SPAG16: variants seen among roughly 807,000 people sequenced by gnomAD.
SPAG16 encodes the protein sperm-associated antigen 16 protein.
Under a neutral mutation model 80.4 loss-of-function variants are expected in SPAG16, and 86 were observed. The ratio of observed to expected loss-of-function variants is 1.07; its 90% CI spans 0.90 to 1.28. The LOEUF (loss-of-function observed/expected upper bound fraction) is 1.28. Among genes scored for constraint, SPAG16 ranks in the 50% most tolerant of loss-of-function variants. The pLI is 0.00. For synonymous variants in SPAG16, 294 were observed against 265.9 expected, an observed-to-expected ratio of 1.11 and a Z score of -1.03; for missense variants, 870 against 765.3, an observed-to-expected ratio of 1.14 and a Z score of -1.61.
intron 15 of SPAG16, among the ~76,000 whole-genome samples, chr2:214,323,751 A>G (rs1696275014): frequency 6.6e-6 from 1 of 152,244 alleles, no homozygotes; most frequent in African/African-American, 2.4e-5. Context: ...CACTGATGGC[A>G]AATTATTGTT....
chr2:213,374,366 T>C (rs538417338), intron 8 of SPAG16, among the ~76,000 whole-genome samples: 61 of 152,120 alleles, frequency 4.0e-4, no homozygotes, highest in Non-Finnish European at 7.8e-4. Flanking sequence ...GATTATAACC[T>C]TAGTTTTTTG....
At chr2:213,431,836 A>G (rs2070320673) in intron 9 of SPAG16, among the ~76,000 whole-genome samples, 1 of 152,070 alleles carries the variant, frequency 6.6e-6, no homozygotes, top group African/African-American at 2.4e-5. Context: ...TCCAAGATAG[A>G]CCATATGTTA....
intron 15 of SPAG16, among the ~76,000 whole-genome samples, chr2:214,330,744 T>G (rs1176750906): frequency 6.6e-6 from 1 of 152,218 alleles, no homozygotes; most frequent in African/African-American, 2.4e-5. Context: ...GGGCTATTCC[T>G]GACGATAGAC....
intron 10 of SPAG16, among the ~76,000 whole-genome samples, chr2:213,579,143 T>C (rs2124837770): frequency 6.6e-6 from 1 of 152,294 alleles, no homozygotes; most frequent in East Asian, 1.9e-4. Context: ...TCCCTGTAGA[T>C]CATTTTCATT....
At chr2:213,909,021 G>A (rs904650559) in intron 11 of SPAG16, among the ~76,000 whole-genome samples, 28 of 151,462 alleles carry the variant, frequency 1.8e-4, no homozygotes, top group Middle Eastern at 3.4e-3. Context: ...GAGAACATGC[G>A]GTGTTTGTTT....
intron 15 of SPAG16, among the ~76,000 whole-genome samples, chr2:214,268,047 C>G (rs1241605372): frequency 6.6e-6 from 1 of 151,838 alleles, no homozygotes; most frequent in Admixed American, 6.6e-5. Flanking sequence ...AGAAGAGATA[C>G]AAATTGCCAA....
intron 12 of SPAG16, among the ~76,000 whole-genome samples, chr2:213,969,708 A>C (rs1363265617): frequency 6.6e-6 from 1 of 152,166 alleles, no homozygotes; most frequent in Non-Finnish European, 1.5e-5. Flanking sequence ...TATAAATCAT[A>C]TAATCCCAGG....
chr2:214,195,994 A>T (rs1220198582), intron 15 of SPAG16, among the ~76,000 whole-genome samples: 2 of 152,050 alleles, frequency 1.3e-5, no homozygotes, highest in Admixed American at 6.6e-5. Context: ...ACTATATCAC[A>T]GTACTTCCTT....
intron 15 of SPAG16, among the ~76,000 whole-genome samples, chr2:214,253,203 G>T (rs1275492441): frequency 2.0e-5 from 3 of 147,212 alleles, no homozygotes; most frequent in African/African-American, 7.5e-5. Context: ...CTGGATATTA[G>T]CCCTTTGTCC....
intron 13 of SPAG16, among the ~76,000 whole-genome samples, chr2:214,076,406 A>C (rs1053119529): frequency 6.6e-6 from 1 of 152,198 alleles, no homozygotes; most frequent in Non-Finnish European, 1.5e-5. Context: ...TTAACTGTAA[A>C]TTAAATTCAA....
chr2:213,520,525 C>T (rs984699144), intron 10 of SPAG16, among the ~76,000 whole-genome samples: 6 of 150,450 alleles, frequency 4.0e-5, no homozygotes, highest in South Asian at 2.1e-4. Context: ...ACCTGGGAGG[C>T]GGAGCTTGCA....
chr2:214,058,320 C>T (rs973972534), intron 13 of SPAG16, among the ~76,000 whole-genome samples: 3 of 152,028 alleles, frequency 2.0e-5, no homozygotes, highest in Non-Finnish European at 2.9e-5. Flanking sequence ...ATTTCAATGC[C>T]GTTGTCTCTC....
At chr2:213,480,328 T>A (rs1272474064) in intron 9 of SPAG16, among the ~76,000 whole-genome samples, 1 of 152,204 alleles carries the variant, frequency 6.6e-6, no homozygotes. Flanking sequence ...GTTGGGACAG[T>A]ACTATTAGGC....
intron 10 of SPAG16, among the ~76,000 whole-genome samples, chr2:213,852,886 AT>A (rs1179933418): frequency 6.6e-6 from 1 of 152,220 alleles, no homozygotes; most frequent in Non-Finnish European, 1.5e-5. Context: ...AAAAAATTCC[AT>A]GTGAAAGTAC....
At chr2:213,840,424 C>G (rs1416708604) in intron 10 of SPAG16, among the ~76,000 whole-genome samples, 1 of 152,126 alleles carries the variant, frequency 6.6e-6, no homozygotes. Flanking sequence ...CAAACTCTGA[C>G]ATTAGTTTCC....
chr2:213,655,265 T>C (rs1430328329), intron 10 of SPAG16, among the ~76,000 whole-genome samples: 1 of 152,118 alleles, frequency 6.6e-6, no homozygotes, highest in East Asian at 1.9e-4. Flanking sequence ...TTCTGTTCCG[T>C]TTTTCTGTGA....
chr2:214,192,637 T>A (rs5838416), intron 15 of SPAG16, among the ~76,000 whole-genome samples: 24 of 2,882 alleles, frequency 8.3e-3, no homozygotes, highest in African/African-American at 0.065. Context: ...ATTCCTTTAT[T>A]TTTTTTGTAC....
chr2:213,855,678 C>T (rs116665320), intron 10 of SPAG16, among the ~76,000 whole-genome samples: 2,081 of 152,200 alleles, frequency 0.014, 41 homozygotes, highest in African/African-American at 0.047. Context: ...CAGAAGGCAC[C>T]CCTTCACAGG....
chr2:214,221,376 T>G lies in SPAG16; in HGVS notation c.1720+72110T>G, dbSNP rs1318093172. On this transcript the variant is annotated intron_variant, in intron 15 of 15. Coordinates refer to ENST00000331683, the MANE Select transcript of SPAG16 (RefSeq NM_024532.5). ...GTTGTGCTCCATTCTTTTCTCATGCTTGCCATTTGTCTCGATTTTCTTCAA... is the reference window on the plus strand; with the variant it reads ...GTTGTGCTCCATTCTTTTCTCATGCGTGCCATTTGTCTCGATTTTCTTCAA... Among the ~76,000 whole-genome samples the G allele has an allele frequency of 5.3e-5, 8 of 152,168 alleles. No homozygotes were observed. The East Asian group carries it at 1.5e-3, about 29-fold the overall frequency.
Sources: allele counts gnomAD v4.1 joint callset (sites outside exome capture counted in the v4.1 genomes callset), GRCh38; gene constraint gnomAD v4.1.1; transcripts MANE v1.5; gene names NCBI Gene and HGNC (gene_info 2026-07-23, HGNC 2026-07-21).